ANKRD46: variants seen among roughly 807,000 people sequenced by gnomAD.
ANKRD46 encodes the protein ankyrin repeat domain 46, also known as ankyrin repeat domain-containing protein 46.
A neutral mutation model predicts 19.8 loss-of-function variants in ANKRD46; 13 were observed. The ratio of observed to expected loss-of-function variants is 0.66; its 90% CI spans 0.43 to 1.04. The LOEUF (loss-of-function observed/expected upper bound fraction) is 1.04. Ranked by LOEUF, ANKRD46 falls within the 50% of genes least tolerant of loss-of-function variation. The probability of loss-of-function intolerance (pLI) is 0.00; values close to 1 mark genes in which losing one functional copy is unlikely to be tolerated. For missense variants in ANKRD46, 185 were observed against 274.8 expected, an observed-to-expected ratio of 0.67 and a Z score of 2.31; for synonymous variants, 91 against 106.9, an observed-to-expected ratio of 0.85 and a Z score of 0.92.
At chr8:100,539,371 A>G (rs763073662) in intron 1 of ANKRD46, among the ~76,000 whole-genome samples, 2 of 152,238 alleles carry the variant, frequency 1.3e-5, no homozygotes, top group Non-Finnish European at 2.9e-5. Flanking sequence ...GGAAGTAAAT[A>G]AAAGGAGGAA....
chr8:100,518,971 C>T (rs909057862), downstream of ANKRD46, among the ~76,000 whole-genome samples: 14 of 152,194 alleles, frequency 9.2e-5, no homozygotes, highest in Admixed American at 6.5e-4. Flanking sequence ...TCTAAACACA[C>T]GAATGTCCAG....
In ANKRD46 at chr8:100,536,867, C is replaced by T. The variant is rs76375344; in HGVS notation, c.-130-3556G>A. Among the ~76,000 whole-genome samples, 7,665 of 152,238 alleles carry T rather than the reference C, an allele frequency of 0.05. 301 individuals are homozygous for T. Among genetic ancestry groups the T allele is most frequent in the Non-Finnish European group, 0.074 (5,062 of 68,012 alleles). ...TTTTGAGGGCTGGTGTAGCCTGACA[C>T]TTAAAACTCCTCACTCTGTGCTCTG... On this transcript the variant is annotated intron_variant, in intron 1 of 4. Coordinates refer to ENST00000335659, the MANE Select transcript of ANKRD46 (RefSeq NM_001270377.2). This position sits in a 1 kb window ranked among gnomAD's most constrained non-coding sequence, Gnocchi z 4.9.
At position 100,545,537 on chromosome 8, in the gene ANKRD46, A is replaced by G. The variant is rs1044369819; in HGVS notation, c.-130-12226T>C. Among the ~76,000 whole-genome samples the G allele has an allele frequency of 2.0e-5, 3 of 152,114 alleles. No individual in the cohort carries two copies. Among genetic ancestry groups the G allele is most frequent in the Non-Finnish European group, 4.4e-5 (3 of 68,008 alleles). ...CCATGTGGAACTGTGTATCAATTAAACCTTTTGTTTATAAATTACCCAGCC... is the reference window on the plus strand; with the variant it reads ...CCATGTGGAACTGTGTATCAATTAAGCCTTTTGTTTATAAATTACCCAGCC... On this transcript the variant is annotated intron_variant, in intron 1 of 4. Transcript: ENST00000335659. This position sits in a 1 kb window ranked among gnomAD's most constrained non-coding sequence, Gnocchi z 4.7.
chr8:100,527,748 C>T lies in ANKRD46; in HGVS notation c.470+97G>A, dbSNP rs1427653892. The T allele has an allele frequency of 1.5e-6, 2 of 1,347,438 alleles. No homozygotes were observed. The highest frequency in any genetic ancestry group is 2.0e-6 in the Non-Finnish European group (2 of 1,003,850). 83.5% of individuals were successfully genotyped at this position (1,347,438 alleles called of 1,614,324 possible). ...GGTGTGGCTACATGTGCCTATAGTC[C>T]CAGCTAGTCAGGAGGCTGAGGCAGG... On this transcript the variant is annotated intron_variant, in intron 4 of 4. Transcript: ENST00000335659. This position sits in a 1 kb window ranked among gnomAD's most constrained non-coding sequence, Gnocchi z 4.0.
chr8:100,522,205 C>T lies in ANKRD46; in HGVS notation c.*350G>A, dbSNP rs1811737527. On this transcript the variant is annotated 3_prime_UTR_variant, in exon 5 of 5. Coordinates refer to ENST00000335659, the MANE Select transcript of ANKRD46 (RefSeq NM_001270377.2). ...ATACTGTTTTTCTTTTTGAATACTT[C>T]AATTGGTCCTATATTAGGATAAGGT... 2.0e-6 allele frequency: 2 copies of T among 1,020,814 alleles called. No individual in the cohort carries two copies. The highest frequency in any genetic ancestry group is 5.2e-5 in the Admixed American group (1 of 19,364). The allele number at this position is 1,020,814 out of a possible 1,614,324, so 63.2% of individuals were successfully genotyped here. A position where few individuals can be genotyped will look rare whatever the true frequency, so the allele number is the denominator to read the frequency against.
At chr8:100,519,434 T>C (rs542199096), downstream of ANKRD46, among the ~76,000 whole-genome samples, 1 of 152,238 alleles carries the variant, frequency 6.6e-6, no homozygotes, top group Non-Finnish European at 1.5e-5. Context: ...CTAAAGATTC[T>C]GGATGATGTC....
intron 5 of ANKRD46, among the ~76,000 whole-genome samples, chr8:100,515,308 C>T (rs146323660): frequency 1.6e-4 from 25 of 152,260 alleles, no homozygotes; most frequent in Admixed American, 6.5e-4. Context: ...CTTGAAACCC[C>T]GGGGCCTGTT....
rs575961737 is a variant in ANKRD46, at chr8:100,527,666, C to T, written c.470+179G>A. 1.3e-5 allele frequency among the ~76,000 whole-genome samples: 2 copies of T among 152,270 alleles called. No individual in the cohort carries two copies. Among genetic ancestry groups the T allele is most frequent in the South Asian group, 4.1e-4 (2 of 4,820 alleles). On this transcript the variant is annotated intron_variant, in intron 4 of 4. Transcript: ENST00000335659. The surrounding 1 kb of genome is among the most constrained non-coding windows in gnomAD (Gnocchi z 4.0). Reference sequence around the variant, plus strand: ...TGAATATTAAAGTTCACAAAGTTAACCATAAATCCACATACTTAAAGTGAC... The same window carrying T: ...TGAATATTAAAGTTCACAAAGTTAATCATAAATCCACATACTTAAAGTGAC...
In ANKRD46 at chr8:100,510,768, GC is replaced by G; in HGVS notation, c.637-130del. 1 of 787,932 alleles carries G rather than the reference GC, an allele frequency of 1.3e-6. No individual in the cohort carries two copies. The highest frequency in any genetic ancestry group is 1.9e-6 in the Non-Finnish European group (1 of 519,618). The allele number at this position is 787,932 out of a possible 1,614,324, so 48.8% of individuals were successfully genotyped here. A position where few individuals can be genotyped will look rare whatever the true frequency, so the allele number is the denominator to read the frequency against. On this transcript the variant is annotated intron_variant, in intron 5 of 5. Transcript: ENST00000520552. This position sits in a 1 kb window ranked among gnomAD's most constrained non-coding sequence, Gnocchi z 4.9. ...GAAAGCACAGGCTTGCTTCTCCTCT[GC>G]CCATCTCAGCTCTCAACGCTCACAG...
In ANKRD46 at chr8:100,527,363, T is replaced by G. The variant is rs369328504; in HGVS notation, c.470+482A>C. 4.3e-4 allele frequency among the ~76,000 whole-genome samples: 66 copies of G among 152,352 alleles called. No individual in the cohort carries two copies. In the South Asian group the frequency reaches 6.8e-3, roughly 16 times the overall value. On this transcript the variant is annotated intron_variant, in intron 4 of 4. Coordinates refer to ENST00000335659, the MANE Select transcript of ANKRD46 (RefSeq NM_001270377.2). This position sits in a 1 kb window ranked among gnomAD's most constrained non-coding sequence, Gnocchi z 4.0. ...ACTTCCCTACCCTTGAAACTACCTT[T>G]CAGTCTTTTCTAAAATTGCCCAAGT... is the stretch of plus-strand genomic sequence containing the variant.
chr8:100,522,904 CATAT>C (rs59062296), intron 4 of ANKRD46, 133 bp from the exon 5 acceptor site: 25,658 of 296,180 alleles, frequency 0.087, 245 homozygotes, highest in South Asian at 0.12. Context: ...CACACACACA[CATAT>C]ATATATATAC....
chr8:100,537,016 A>C lies in ANKRD46; in HGVS notation c.-130-3705T>G, dbSNP rs1013030717. Among the ~76,000 whole-genome samples the C allele has an allele frequency of 2.6e-5, 4 of 152,218 alleles. No homozygotes were observed. The highest frequency in any genetic ancestry group is 9.7e-5 in the African/African-American group (4 of 41,448). ...TGATTGTCTCAACCCAAACAACAAT[A>C]AAAAGGTTTTGATGGAAGCTTGTGA... On this transcript the variant is annotated intron_variant, in intron 1 of 4. Transcript: ENST00000335659. This position sits in a 1 kb window ranked among gnomAD's most constrained non-coding sequence, Gnocchi z 4.2.
rs923295001 is a variant in ANKRD46, at chr8:100,524,937, G to T, written c.471-2166C>A. 2.0e-5 allele frequency among the ~76,000 whole-genome samples: 3 copies of T among 152,114 alleles called. No homozygotes were observed. The highest frequency in any genetic ancestry group is 2.1e-4 in the South Asian group (1 of 4,818). On this transcript the variant is annotated intron_variant, in intron 4 of 4. Coordinates refer to ENST00000335659, the MANE Select transcript of ANKRD46 (RefSeq NM_001270377.2). This position sits in a 1 kb window ranked among gnomAD's most constrained non-coding sequence, Gnocchi z 4.3. Reference sequence around the variant, plus strand: ...GATATCTACACTGTCTTTGGGGGGTGTGTTTGCATGTATCTTTTTTAAAAA... The same window carrying T: ...GATATCTACACTGTCTTTGGGGGGTTTGTTTGCATGTATCTTTTTTAAAAA...
chr8:100,523,146 A>G, intron 4 of ANKRD46, among the ~76,000 whole-genome samples: 1 of 132,110 alleles, frequency 7.6e-6, no homozygotes, highest in South Asian at 2.5e-4. Flanking sequence ...TGGGTAACAT[A>G]GCGAGACACC....
rs1005150173 is a variant in ANKRD46, at chr8:100,543,058, C to T, written c.-130-9747G>A. 1.3e-5 allele frequency among the ~76,000 whole-genome samples: 2 copies of T among 152,076 alleles called. No individual in the cohort carries two copies. The highest frequency in any genetic ancestry group is 4.8e-5 in the African/African-American group (2 of 41,418). ...AACGGGAAAAGAAGATGACAAGTTCCTATATCAGTTTCCCATGGAGCTATT... is the reference window on the plus strand; with the variant it reads ...AACGGGAAAAGAAGATGACAAGTTCTTATATCAGTTTCCCATGGAGCTATT... On this transcript the variant is annotated intron_variant, in intron 1 of 4. Transcript: ENST00000335659. This position sits in a 1 kb window ranked among gnomAD's most constrained non-coding sequence, Gnocchi z 4.2.
Position 100,536,742 on chromosome 8 carries a change from C to T in ANKRD46, c.-130-3431G>A, listed in dbSNP as rs2130673950. 6.6e-6 allele frequency among the ~76,000 whole-genome samples: 1 copy of T among 152,292 alleles called. No homozygotes were observed. The highest frequency in any genetic ancestry group is 2.1e-4 in the South Asian group (1 of 4,824). The stretch of plus-strand genomic sequence containing the variant: ...AGCATGCTGGTTGCTGACCAGGGCC[C>T]TGGTTCCCAAGGAACAGTGTCCATG... On this transcript the variant is annotated intron_variant, in intron 1 of 4. Transcript: ENST00000335659. The surrounding 1 kb of genome is among the most constrained non-coding windows in gnomAD (Gnocchi z 4.9).
At chr8:100,549,017 A>T (rs1255279815) in intron 1 of ANKRD46, among the ~76,000 whole-genome samples, 1 of 152,002 alleles carries the variant, frequency 6.6e-6, no homozygotes, top group Non-Finnish European at 1.5e-5. Context: ...AAATTTTTTT[A>T]ATTAAAAAAA....
At position 100,525,020 on chromosome 8, in the gene ANKRD46, CTTA is replaced by C. The variant is rs1174854602; in HGVS notation, c.471-2252_471-2250del. Among the ~76,000 whole-genome samples, 1 of 49,734 alleles carries C rather than the reference CTTA, an allele frequency of 2.0e-5. No homozygotes were observed. The highest frequency in any genetic ancestry group is 5.3e-5 in the Non-Finnish European group (1 of 18,902). 32.6% of individuals were successfully genotyped at this position (49,734 alleles called of 152,430 possible). A position where few individuals can be genotyped will look rare whatever the true frequency, so the allele number is the denominator to read the frequency against. On this transcript the variant is annotated intron_variant, in intron 4 of 4. Transcript: ENST00000335659. This position sits in a 1 kb window ranked among gnomAD's most constrained non-coding sequence, Gnocchi z 4.4. Reference sequence around the variant, plus strand: ...ACCTACAAAGTAAAAAGGAATTAAACTTAGAGTTATATGGAGGAGTGGGGAAAT... The same window carrying C: ...ACCTACAAAGTAAAAAGGAATTAAACGAGTTATATGGAGGAGTGGGGAAAT...
Position 100,525,809 on chromosome 8 carries a change from C to T in ANKRD46, c.470+2036G>A, listed in dbSNP as rs1811831211. 6.6e-6 allele frequency among the ~76,000 whole-genome samples: 1 copy of T among 152,162 alleles called. No homozygotes were observed. The highest frequency in any genetic ancestry group is 1.5e-5 in the Non-Finnish European group (1 of 68,032). On this transcript the variant is annotated intron_variant, in intron 4 of 4. Transcript: ENST00000335659. This position sits in a 1 kb window ranked among gnomAD's most constrained non-coding sequence, Gnocchi z 4.4. ...ACTCTACGTGTAGCTTTTTGAAGGA[C>T]TGCCAGACTTTTCCAAAGAAGCTGC...
Sources: gnomAD v4.1 joint callset for allele counts (sites outside exome capture counted in the v4.1 genomes callset) on GRCh38, gnomAD v4.1.1 for gene constraint, Gnocchi (gnomAD v3.1) non-coding constraint, MANE v1.5 for transcripts, NCBI Gene and HGNC (gene_info 2026-07-23, HGNC 2026-07-21) for gene names.